Variants in FBN1 observed in about 807,000 individuals in gnomAD.
FBN1 encodes fibrillin-1.
In FBN1, 29 loss-of-function variants were observed where a neutral mutation model predicts 365.1. The observed-to-expected ratio is 0.08, with a 90% CI of 0.06 to 0.11. The LOEUF is 0.11. Ranked by LOEUF, FBN1 falls within the 10% of genes least tolerant of loss-of-function variation. The pLI, the probability that FBN1 is intolerant of heterozygous loss-of-function variation, is 1.00. For synonymous variants in FBN1, 1,210 were observed against 1,270.5 expected (o/e 0.95, Z 1.01); for missense variants, 2,476 against 3,703.2 (o/e 0.67, Z 8.60).
intron 2 of FBN1, chr15:48,640,966 C>T (rs1297026151): frequency 6.6e-6 from 1 of 151,922 alleles, no homozygotes; most frequent in Admixed American, 6.6e-5. Flanking sequence ...AGAAAAATTC[C>T]CATGAATTGA....
rs746473206 is a variant in FBN1 at position 48,448,809 on chromosome 15, T to C, written c.5630A>G (p.His1877Arg). Residue 1877 changes from histidine to arginine, a missense_variant, in exon 46 of 66, where the codon CAC (histidine) becomes CGC (arginine). Around this residue, in one of 5 missense-constraint regions of FBN1, gnomAD observed 1,780 missense variants for 2,840.8 expected, o/e 0.63. Coordinates refer to ENST00000316623, the MANE Select transcript of FBN1 (RefSeq NM_000138.5). ...DTVGSFYCLCHTGFKTNDDQT... is the reference protein window; with the variant it reads ...DTVGSFYCLCRTGFKTNDDQT... ...GTCATCATTTGTTTTAAAACCAGTG[T>C]GGCAAAGGCAATAAAAGCTTCCAAC... The C allele has an allele frequency of 3.7e-6, 6 of 1,613,152 alleles. No individual in the cohort carries two copies. The highest frequency in any genetic ancestry group is 5.1e-6 in the Non-Finnish European group (6 of 1,179,342).
chr15:48,472,017 T>C (rs912308225), intron 35 of FBN1, among the ~76,000 whole-genome samples: 1 of 152,260 alleles, frequency 6.6e-6, no homozygotes, highest in Non-Finnish European at 1.5e-5. Context: ...GCAAAACTGT[T>C]CCATGTTCAT....
intron 23 of FBN1, among the ~76,000 whole-genome samples, chr15:48,493,695 T>A (rs1273171687): frequency 6.6e-6 from 1 of 152,220 alleles, no homozygotes; most frequent in Non-Finnish European, 1.5e-5. Flanking sequence ...ATTTTTCAGC[T>A]GCTGTGTCAT....
intron 42 of FBN1, among the ~76,000 whole-genome samples, chr15:48,461,464 T>C (rs1360570813): frequency 6.6e-6 from 1 of 152,162 alleles, no homozygotes; most frequent in Non-Finnish European, 1.5e-5. Flanking sequence ...ATCTAATCTT[T>C]AAAAAAATTA....
intron 63 of FBN1, among the ~76,000 whole-genome samples, chr15:48,416,391 G>C (rs555974415): frequency 6.6e-6 from 1 of 152,324 alleles, no homozygotes; most frequent in South Asian, 2.1e-4. Context: ...CCAGGTACCT[G>C]TTCTGGGAGA....
intron 2 of FBN1, chr15:48,640,894 A>G (rs1890185809): frequency 6.6e-6 from 1 of 151,864 alleles, no homozygotes; most frequent in Admixed American, 6.6e-5. Flanking sequence ...AGTACAGTTG[A>G]GTTTTTTTTT....
In FBN1 at chr15:48,472,547, T is replaced by C. The variant is rs764099050; in HGVS notation, c.4336+4A>G. The C allele has an allele frequency of 1.9e-6, 3 of 1,613,702 alleles. No individual in the cohort carries two copies. In the South Asian group the frequency reaches 3.3e-5, roughly 18 times the overall value. ...AGGCTCCCAGTGGCTTCCCCATCAG[T>C]TACCTTCACAGGCTTTCCCGTCAGC... On this transcript the variant is annotated splice_donor_region_variant and intron_variant, in intron 35 of 65. Coordinates refer to ENST00000316623, the MANE Select transcript of FBN1 (RefSeq NM_000138.5).
chr15:48,624,403 C>T (rs1389479585), intron 2 of FBN1, among the ~76,000 whole-genome samples: 1 of 152,240 alleles, frequency 6.6e-6, no homozygotes, highest in African/African-American at 2.4e-5. Context: ...TGGATCACTT[C>T]TCCAAGGGAG....
chr15:48,628,908 G>GA, intron 2 of FBN1, among the ~76,000 whole-genome samples: 1 of 151,892 alleles, frequency 6.6e-6, no homozygotes, highest in East Asian at 1.9e-4. Flanking sequence ...AAGTCTTCTT[G>GA]AAAAAAAAGT....
At chr15:48,564,752 TAAACCAA>T (rs546704035) in intron 6 of FBN1, among the ~76,000 whole-genome samples, 162 of 152,296 alleles carry the variant, frequency 1.1e-3, no homozygotes, top group African/African-American at 3.8e-3. Context: ...ATTAAGTTAA[TAAACCAA>T]ACTTTTAGTG....
Position 48,495,598 on chromosome 15 carries a change from A to T in FBN1, c.2420-10T>A, listed in dbSNP as rs2043600948. 3.1e-6 allele frequency: 5 copies of T among 1,614,054 alleles called. No individual in the cohort carries two copies. Among genetic ancestry groups the T allele is most frequent in the Non-Finnish European group, 4.2e-6 (5 of 1,179,974 alleles). On this transcript the variant is annotated splice_polypyrimidine_tract_variant and intron_variant, in intron 20 of 65. Transcript: ENST00000316623. ...TCGCATTCATCAATGTCTGAAACAAAAACAGGTCTACATTACTGCTAAAAT... is the reference window on the plus strand; with the variant it reads ...TCGCATTCATCAATGTCTGAAACAATAACAGGTCTACATTACTGCTAAAAT...
chr15:48,475,125 T>G (rs2043408998), intron 32 of FBN1, among the ~76,000 whole-genome samples: 1 of 151,996 alleles, frequency 6.6e-6, no homozygotes, highest in Non-Finnish European at 1.5e-5. Context: ...AAATATATTT[T>G]ATTCTTAAAC....
At chr15:48,479,683 GTTC>G (rs1244729845) in intron 32 of FBN1, among the ~76,000 whole-genome samples, 1 of 152,194 alleles carries the variant, frequency 6.6e-6, no homozygotes, top group African/African-American at 2.4e-5. Flanking sequence ...AAAGGCTGCT[GTTC>G]TTAACGTAAA....
rs1597549245 is a variant in FBN1 at position 48,468,603 on chromosome 15, C to G, written c.4460-69G>C. ...GTAGGCAGACATCACCATAAAAGAA[C>G]AGGGCCCAATCTAGAGCTCCAAACA... is the stretch of plus-strand genomic sequence containing the variant. On this transcript the variant is annotated intron_variant, in intron 36 of 65. Transcript: ENST00000316623. The G allele has an allele frequency of 5.1e-6, 8 of 1,559,334 alleles. No homozygotes were observed. The East Asian group carries it at 1.8e-4, about 35-fold the overall frequency.
intron 13 of FBN1, among the ~76,000 whole-genome samples, chr15:48,510,616 G>A (rs188628645): frequency 9.9e-5 from 15 of 152,110 alleles, no homozygotes; most frequent in African/African-American, 2.2e-4. Context: ...CCTGAAAACC[G>A]TCAATCACAT....
At position 48,448,877 on chromosome 15, in the gene FBN1, T is replaced by C. The variant is rs753998506; in HGVS notation, c.5562A>G (p.Gln1854=). ...CATGACTGCATATATTGGGGATTTCTTGACATTCATTACGATCTGTAAATA... is the reference window on the plus strand; with the variant it reads ...CATGACTGCATATATTGGGGATTTCCTGACATTCATTACGATCTGTAAATA... ...TGQCNDRNEC[Q]EIPNICSHGQ... The change falls in exon 46 of 66, where the codon CAA becomes CAG. Residue 1854 remains glutamine (Q), a synonymous_variant. Transcript: ENST00000316623. 6.2e-7 allele frequency: 1 copy of C among 1,612,184 alleles called. No homozygotes were observed. Among genetic ancestry groups the C allele is most frequent in the East Asian group, 2.2e-5 (1 of 44,746 alleles).
chr15:48,627,699 A>T (rs2140760230), intron 2 of FBN1, among the ~76,000 whole-genome samples: 1 of 152,336 alleles, frequency 6.6e-6, no homozygotes, highest in Non-Finnish European at 1.5e-5. Context: ...GATATTGTCC[A>T]TTACACAGAG....
intron 8 of FBN1, among the ~76,000 whole-genome samples, chr15:48,527,211 T>C (rs991848491): frequency 7.2e-5 from 11 of 152,240 alleles, no homozygotes; most frequent in African/African-American, 2.7e-4. Flanking sequence ...AGGCCAAAGC[T>C]GGGGTTAGCC....
At position 48,540,612 on chromosome 15, in the gene FBN1, T is replaced by C. The variant is rs1046958636; in HGVS notation, c.539-2804A>G. On this transcript the variant is annotated intron_variant, in intron 6 of 65. Coordinates refer to ENST00000316623, the MANE Select transcript of FBN1 (RefSeq NM_000138.5). Reference sequence around the variant, plus strand: ...CAGTGTACATTACAATGAATCCTTTTCAGGATAAAAACAGTCATCAAGATT... The same window carrying C: ...CAGTGTACATTACAATGAATCCTTTCCAGGATAAAAACAGTCATCAAGATT... Among the ~76,000 whole-genome samples, 7 of 152,192 alleles carry C rather than the reference T, an allele frequency of 4.6e-5. No individual in the cohort carries two copies. In the East Asian group the frequency reaches 1.3e-3, roughly 29 times the overall value.
Sources: allele counts gnomAD v4.1 joint callset (sites outside exome capture counted in the v4.1 genomes callset), GRCh38; gene constraint gnomAD v4.1.1; regional missense constraint gnomAD v4.1.1; transcripts MANE v1.5; gene names NCBI Gene and HGNC (gene_info 2026-07-23, HGNC 2026-07-21).